The following AHCYL1 variants were observed in gnomAD, a reference collection of about 807,000 sequenced individuals.
AHCYL1 encodes the protein S-adenosylhomocysteine hydrolase-like protein 1.
Under a neutral mutation model 79.3 loss-of-function variants are expected in AHCYL1, and 20 were observed. That is an observed-to-expected ratio of 0.25 (90% CI 0.18 to 0.37). The LOEUF (loss-of-function observed/expected upper bound fraction) is 0.37. AHCYL1 is among the 10% of genes least tolerant of loss of function. The pLI, the probability that AHCYL1 is intolerant of heterozygous loss-of-function variation, is 1.00. For missense variants in AHCYL1, 330 were observed against 673.6 expected (o/e 0.49, Z 5.65); for synonymous variants, 223 against 242.2 (o/e 0.92, Z 0.74).
chr1:109,993,779 A>G (rs902683791), intron 1 of AHCYL1, among the ~76,000 whole-genome samples: 1 of 152,226 alleles, frequency 6.6e-6, no homozygotes, highest in Non-Finnish European at 1.5e-5. Context: ...ATTTCTCACC[A>G]TTGAAACAAC....
intron 11 of AHCYL1, 70 bp from the exon 12 acceptor site, chr1:110,018,303 C>A: frequency 2.0e-6 from 3 of 1,471,260 alleles, no homozygotes; most frequent in Non-Finnish European, 1.9e-6. Context: ...CTCCTATGTT[C>A]TACCTGAAAG....
intron 11 of AHCYL1, 33 bp from the exon 12 acceptor site, chr1:110,018,340 T>C: frequency 6.2e-7 from 1 of 1,606,350 alleles, no homozygotes; most frequent in Non-Finnish European, 8.5e-7. Flanking sequence ...TTGCCCGGCA[T>C]CTCTTTCCTT....
At chr1:110,014,214 A>T (rs1442670248) in intron 5 of AHCYL1, among the ~76,000 whole-genome samples, 1 of 152,134 alleles carries the variant, frequency 6.6e-6, no homozygotes, top group Non-Finnish European at 1.5e-5. Flanking sequence ...AGTTCCCCAA[A>T]ACCCTACAAT....
rs77346599 is a variant in AHCYL1 at position 110,023,550 on chromosome 1, G to T, written c.*1870G>T. 1 of 152,042 alleles carries T rather than the reference G, an allele frequency of 6.6e-6. No individual in the cohort carries two copies. Among genetic ancestry groups the T allele is most frequent in the Admixed American group, 6.6e-5 (1 of 15,214 alleles). The allele number at this position is 152,042 out of a possible 1,614,324, so 9.4% of individuals were successfully genotyped here. A position where few individuals can be genotyped will look rare whatever the true frequency, so the allele number is the denominator to read the frequency against. ...GTGTCCATAGGAATAATAGGTAAGG[G>T]CTCTGTCTCTGTCAAGCCATGTAAC... On this transcript the variant is annotated 3_prime_UTR_variant, in exon 17 of 17. Transcript: ENST00000369799.
intron 10 of AHCYL1, among the ~76,000 whole-genome samples, 168 bp downstream of exon 10, chr1:110,017,751 G>A (rs1215922561): frequency 6.6e-6 from 1 of 152,158 alleles, no homozygotes; most frequent in Non-Finnish European, 1.5e-5. Flanking sequence ...AGAGCCTCTT[G>A]GCATTTTTCC....
chr1:110,007,410 C>G (rs1650725435), intron 1 of AHCYL1, among the ~76,000 whole-genome samples: 1 of 152,128 alleles, frequency 6.6e-6, no homozygotes, highest in Admixed American at 6.6e-5. Context: ...GAAGTCATTA[C>G]CTTGGTCCTG....
At chr1:110,003,084 G>A (rs1340205826) in intron 1 of AHCYL1, among the ~76,000 whole-genome samples, 2 of 152,130 alleles carry the variant, frequency 1.3e-5, no homozygotes, top group Admixed American at 6.5e-5. Flanking sequence ...ATCCATGCTG[G>A]GTTGGCAGGG....
At chr1:110,018,692 GTAGT>G (rs1651588222) in intron 13 of AHCYL1, 42 bp downstream of exon 13, 1 of 1,546,688 alleles carries the variant, frequency 6.5e-7, no homozygotes, top group African/African-American at 1.4e-5. Flanking sequence ...CACAAGCAGA[GTAGT>G]TAGATCTATG....
chr1:109,997,758 G>T (rs1318888997), intron 1 of AHCYL1, among the ~76,000 whole-genome samples: 1 of 152,184 alleles, frequency 6.6e-6, no homozygotes, highest in Non-Finnish European at 1.5e-5. Context: ...GGATTTAGAG[G>T]TTGGAGCACA....
At chr1:110,021,242 A>AAAAC (rs771107417) in intron 16 of AHCYL1, among the ~76,000 whole-genome samples, 3 of 152,090 alleles carry the variant, frequency 2.0e-5, no homozygotes, top group African/African-American at 4.8e-5. Context: ...CTCTGTCTTA[A>AAAAC]AAACAAACAA....
chr1:110,018,847 A>T (rs184410539), intron 13 of AHCYL1, 197 bp downstream of exon 13: 1 of 723,088 alleles, frequency 1.4e-6, no homozygotes, highest in African/African-American at 1.8e-5. Context: ...ACTATTTCCT[A>T]ACCACAGCTG....
At chr1:110,009,656 A>C (rs1025712470) in intron 2 of AHCYL1, among the ~76,000 whole-genome samples, 1 of 152,234 alleles carries the variant, frequency 6.6e-6, no homozygotes, top group East Asian at 1.9e-4. Flanking sequence ...ACTCTGGAGC[A>C]GGAAAGATTC....
Position 110,012,917 on chromosome 1 carries a change from T to C in AHCYL1, c.498T>C (p.Cys166=). The change falls in exon 5 of 17, where the codon TGT becomes TGC. Residue 166 remains cysteine (C), a synonymous_variant. Transcript: ENST00000369799. ...AQTAVLIETL[C]ALGAQCRWSA... is the part of the protein sequence containing the mutation. The stretch of plus-strand genomic sequence containing the variant: ...CACAGGTGTTGATTGAGACACTCTG[T>C]GCCCTGGGGGCTCAGTGCCGCTGGT... The C allele has an allele frequency of 6.2e-7, 1 of 1,612,158 alleles. No homozygotes were observed. Among genetic ancestry groups the C allele is most frequent in the Non-Finnish European group, 8.5e-7 (1 of 1,179,500 alleles).
intron 6 of AHCYL1, among the ~76,000 whole-genome samples, 156 bp downstream of exon 6, chr1:110,015,013 G>T (rs1490822488): frequency 1.3e-5 from 2 of 152,160 alleles, no homozygotes; most frequent in Non-Finnish European, 2.9e-5. Context: ...ATGGGTCTGA[G>T]TACTGAATGG....
In AHCYL1 at chr1:109,985,162, CGCCCAAGAAGGT is replaced by C; in HGVS notation, c.113_120+4del. ...TCCTTCATGGCCACCGTCACCAAGG[CGCCCAAGAAGGT>C]GCGGGGGCTCTGGGTGGCGGCGGGG... On this transcript the variant is annotated splice_donor_variant and coding_sequence_variant, in exon 1 of 17. Coordinates refer to ENST00000369799, the MANE Select transcript of AHCYL1 (RefSeq NM_006621.7). LOFTEE classifies it high-confidence loss of function. 6.2e-7 allele frequency: 1 copy of C among 1,608,394 alleles called. No individual in the cohort carries two copies. The highest frequency in any genetic ancestry group is 8.5e-7 in the Non-Finnish European group (1 of 1,177,808).
intron 1 of AHCYL1, among the ~76,000 whole-genome samples, chr1:110,002,421 A>G (rs927739040): frequency 2.6e-5 from 4 of 152,254 alleles, no homozygotes; most frequent in African/African-American, 4.8e-5. Context: ...CACTGGCCCA[A>G]TTTGAGACAA....
intron 1 of AHCYL1, among the ~76,000 whole-genome samples, chr1:109,990,620 T>A (rs1346955207): frequency 6.6e-6 from 1 of 152,214 alleles, no homozygotes; most frequent in Non-Finnish European, 1.5e-5. Flanking sequence ...TATATAGAGC[T>A]TACAGCTACT....
intron 1 of AHCYL1, among the ~76,000 whole-genome samples, chr1:109,994,596 C>T: frequency 6.6e-6 from 1 of 152,158 alleles, no homozygotes; most frequent in South Asian, 2.1e-4. Context: ...GCAAATTTTG[C>T]TATTTTGGAA....
chr1:110,017,708 C>G (rs916347430), intron 10 of AHCYL1, 125 bp downstream of exon 10: 1 of 1,097,612 alleles, frequency 9.1e-7, no homozygotes, highest in Non-Finnish European at 1.3e-6. Flanking sequence ...TAGGACTGCT[C>G]TGTTCTTCTC....
Sources: gnomAD v4.1 joint callset for allele counts (sites outside exome capture counted in the v4.1 genomes callset) on GRCh38, gnomAD v4.1.1 for gene constraint, MANE v1.5 for transcripts, NCBI Gene and HGNC (gene_info 2026-07-23, HGNC 2026-07-21) for gene names.